Variants in PYM1 observed in about 807,000 individuals in gnomAD.
PYM1 encodes partner of Y14 and mago.
PYM1 carries 7 observed loss-of-function variants against 20.7 expected under a neutral mutation model. The ratio of observed to expected loss-of-function variants is 0.34; its 90% CI spans 0.19 to 0.64. The LOEUF (loss-of-function observed/expected upper bound fraction) is 0.64. PYM1 is among the 30% of genes least tolerant of loss of function. PYM1 has a pLI of 0.74. For missense variants in PYM1, 194 were observed against 250.0 expected, an observed-to-expected ratio of 0.78 and a Z score of 1.51; for synonymous variants, 100 against 99.2, an observed-to-expected ratio of 1.01 and a Z score of -0.05.
At chr12:55,904,013 G>T (rs954190473) in intron 1 of PYM1, among the ~76,000 whole-genome samples, 1 of 152,016 alleles carries the variant, frequency 6.6e-6, no homozygotes, top group African/African-American at 2.4e-5. Context: ...CTGTCACCAA[G>T]GCTGGAGTGC....
chr12:55,919,194 C>T (rs568431689), intron 1 of PYM1, among the ~76,000 whole-genome samples: 288 of 152,310 alleles, frequency 1.9e-3, no homozygotes, highest in Non-Finnish European at 3.4e-3. Flanking sequence ...GTCACCCAGG[C>T]TGGAGTGCAA....
At chr12:55,905,473 G>A (rs1173652207) in intron 1 of PYM1, among the ~76,000 whole-genome samples, 2 of 150,680 alleles carry the variant, frequency 1.3e-5, no homozygotes, top group Admixed American at 1.3e-4. Flanking sequence ...AGGCTGAGGC[G>A]GGCGGATCAT....
chr12:55,923,231 A>G (rs892386695), intron 1 of PYM1, among the ~76,000 whole-genome samples: 1 of 151,990 alleles, frequency 6.6e-6, no homozygotes, highest in Non-Finnish European at 1.5e-5. Flanking sequence ...TCTCAAAAAA[A>G]TAGTAATAAA....
In PYM1 at chr12:55,902,113, G is replaced by C; in HGVS notation, c.374C>G (p.Pro125Arg). 1 of 1,614,112 alleles carries C rather than the reference G, an allele frequency of 6.2e-7. No individual in the cohort carries two copies. Among genetic ancestry groups the C allele is most frequent in the Non-Finnish European group, 8.5e-7 (1 of 1,180,016 alleles). The change falls in exon 3 of 3, where the codon CCC (proline) becomes CGC (arginine). Residue 125 changes from proline to arginine, a missense_variant. Pro to Arg is a moderately radical substitution (Grantham distance 103). Coordinates refer to ENST00000408946, the MANE Select transcript of PYM1 (RefSeq NM_032345.3). ...TGCCCGAGAGCCCTGTGGAGCACTG[G>C]GGAGTTGGGCTGTCTCTTCCAGGGA... ...KVSLEETAQL[P>R]SAPQGSRAAP...
chr12:55,925,582 G>T (rs1398498421), intron 1 of PYM1, among the ~76,000 whole-genome samples: 2 of 152,224 alleles, frequency 1.3e-5, no homozygotes, highest in Non-Finnish European at 2.9e-5. Flanking sequence ...CTGGGTCCCT[G>T]TGGGCAGTAA....
intron 1 of PYM1, among the ~76,000 whole-genome samples, chr12:55,920,636 CAAAA>C (rs1254982255): frequency 4.3e-5 from 3 of 69,932 alleles, no homozygotes; most frequent in South Asian, 4.1e-4. Flanking sequence ...GACTCCGTCT[CAAAA>C]AAAAAAAAAG....
intron 1 of PYM1, among the ~76,000 whole-genome samples, chr12:55,904,809 A>T (rs1592634315): frequency 6.6e-6 from 1 of 151,576 alleles, no homozygotes; most frequent in Middle Eastern, 3.4e-3. Context: ...CCTGGGAGGC[A>T]GAGGTTGCAG....
intron 1 of PYM1, among the ~76,000 whole-genome samples, chr12:55,925,001 A>T (rs1427035344): frequency 2.0e-5 from 3 of 152,254 alleles, no homozygotes; most frequent in Non-Finnish European, 4.4e-5. Context: ...TTTTTTAAAA[A>T]GAAAAAAATA....
intron 1 of PYM1, among the ~76,000 whole-genome samples, chr12:55,905,854 A>C (rs189123197): frequency 2.5e-4 from 9 of 35,492 alleles, no homozygotes; most frequent in East Asian, 4.7e-4. Flanking sequence ...TATATATTAT[A>C]TATTAGATAT....
chr12:55,911,583 G>A (rs1184206746), intron 1 of PYM1, among the ~76,000 whole-genome samples: 1 of 152,014 alleles, frequency 6.6e-6, no homozygotes, highest in African/African-American at 2.4e-5. Context: ...GCTCACGCCT[G>A]TAATCACAGC....
chr12:55,904,652 TA>T (rs1020007943), intron 1 of PYM1, among the ~76,000 whole-genome samples: 3 of 140,380 alleles, frequency 2.1e-5, no homozygotes, highest in African/African-American at 5.3e-5. Flanking sequence ...GAAAGCAACT[TA>T]AAAGGCCATC....
intron 1 of PYM1, among the ~76,000 whole-genome samples, chr12:55,909,962 G>A (rs749097540): frequency 2.0e-5 from 3 of 152,106 alleles, no homozygotes; most frequent in Admixed American, 6.6e-5. Context: ...CACTTTGGGA[G>A]GCCAAGATGG....
At chr12:55,923,589 G>T (rs1188124381) in intron 1 of PYM1, among the ~76,000 whole-genome samples, 4 of 150,644 alleles carry the variant, frequency 2.7e-5, no homozygotes, top group African/African-American at 4.9e-5. Context: ...CAAAACTAAT[G>T]AAATGATGTA....
chr12:55,919,449 C>T (rs1164071481), intron 1 of PYM1, among the ~76,000 whole-genome samples: 3 of 152,304 alleles, frequency 2.0e-5, no homozygotes, highest in East Asian at 1.9e-4. Context: ...CCACCACTCC[C>T]GGCCTCTATT....
intron 1 of PYM1, among the ~76,000 whole-genome samples, chr12:55,915,213 T>TAA (rs1174981358): frequency 0.04 from 1,940 of 48,958 alleles, 300 homozygotes; most frequent in African/African-American, 0.16. Context: ...AGACTCTGCC[T>TAA]AAAAAAAAAA....
intron 1 of PYM1, among the ~76,000 whole-genome samples, chr12:55,925,417 T>C (rs1883171690): frequency 6.6e-6 from 1 of 152,176 alleles, no homozygotes; most frequent in Non-Finnish European, 1.5e-5. Flanking sequence ...AGATCCAGGT[T>C]GTAGTGATTC....
At chr12:55,903,066 G>C (rs1882724846) in intron 2 of PYM1, among the ~76,000 whole-genome samples, 1 of 152,130 alleles carries the variant, frequency 6.6e-6, no homozygotes, top group African/African-American at 2.4e-5. Flanking sequence ...TACAGATGTA[G>C]GCCACTGGGC....
At chr12:55,905,135 G>C (rs1020157116) in intron 1 of PYM1, among the ~76,000 whole-genome samples, 5 of 150,658 alleles carry the variant, frequency 3.3e-5, no homozygotes, top group African/African-American at 1.2e-4. Context: ...CCGAGTAGCT[G>C]GGACTACAGG....
intron 1 of PYM1, among the ~76,000 whole-genome samples, chr12:55,919,107 T>A (rs766026825): frequency 1.3e-4 from 20 of 152,176 alleles, no homozygotes; most frequent in Non-Finnish European, 2.6e-4. Context: ...GGGAATATGG[T>A]TTACAGTGTT....
Sources: gnomAD v4.1 joint callset for allele counts (sites outside exome capture counted in the v4.1 genomes callset) on GRCh38, gnomAD v4.1.1 for gene constraint, MANE v1.5 for transcripts, NCBI Gene and HGNC (gene_info 2026-07-23, HGNC 2026-07-21) for gene names.